SIPA1L1: variants seen among roughly 807,000 people sequenced by gnomAD.
SIPA1L1 encodes signal induced proliferation associated 1 like 1.
In SIPA1L1, 26 loss-of-function variants were observed where a neutral mutation model predicts 162.7. The ratio of observed to expected loss-of-function variants is 0.16; its 90% CI spans 0.12 to 0.22. SIPA1L1 has a LOEUF of 0.22. SIPA1L1 is among the 10% of genes least tolerant of loss of function. The pLI is 1.00. For missense variants in SIPA1L1, 1,874 were observed against 2,241.0 expected, an observed-to-expected ratio of 0.84 and a Z score of 3.31; for synonymous variants, 829 against 837.4, an observed-to-expected ratio of 0.99 and a Z score of 0.17.
chr14:71,633,955 G>A (rs1275978038), intron 7 of SIPA1L1, among the ~76,000 whole-genome samples: 1 of 151,550 alleles, frequency 6.6e-6, no homozygotes, highest in Non-Finnish European at 1.5e-5. Flanking sequence ...GGTCAAAGGT[G>A]TAAACCCACA....
At chr14:71,579,929 T>C (rs2033679966) in intron 4 of SIPA1L1, among the ~76,000 whole-genome samples, 1 of 152,234 alleles carries the variant, frequency 6.6e-6, no homozygotes, top group Non-Finnish European at 1.5e-5. Flanking sequence ...CATACTTGTC[T>C]TCTTTTTCCA....
chr14:71,418,763 T>G (rs186505121), intron 2 of SIPA1L1, among the ~76,000 whole-genome samples: 1 of 152,328 alleles, frequency 6.6e-6, no homozygotes, highest in African/African-American at 2.4e-5. Flanking sequence ...CACTAGTATT[T>G]AAGTGCCTTT....
chr14:71,573,197 T>G (rs1266535645), intron 4 of SIPA1L1, among the ~76,000 whole-genome samples: 2 of 152,228 alleles, frequency 1.3e-5, no homozygotes, highest in Non-Finnish European at 2.9e-5. Context: ...TTAACTACTA[T>G]GTATATTACT....
At chr14:71,523,963 G>A (rs759779017) in intron 3 of SIPA1L1, among the ~76,000 whole-genome samples, 3 of 152,172 alleles carry the variant, frequency 2.0e-5, no homozygotes, top group Admixed American at 1.3e-4. Flanking sequence ...TTTGCAGCCA[G>A]ACATCTCTCC....
chr14:71,347,543 T>TA, intron 2 of SIPA1L1, among the ~76,000 whole-genome samples: 2 of 152,332 alleles, frequency 1.3e-5, no homozygotes, highest in South Asian at 4.1e-4. Context: ...AGTAACTCTA[T>TA]GCTTAGTAAC....
chr14:71,717,150 G>A (rs1187132933), intron 17 of SIPA1L1, among the ~76,000 whole-genome samples: 1 of 152,034 alleles, frequency 6.6e-6, no homozygotes, highest in Non-Finnish European at 1.5e-5. Context: ...CACCCACCTC[G>A]GCCTCCCAAA....
intron 3 of SIPA1L1, among the ~76,000 whole-genome samples, chr14:71,523,507 T>A (rs2052565863): frequency 6.6e-6 from 1 of 152,206 alleles, no homozygotes; most frequent in Non-Finnish European, 1.5e-5. Context: ...TTAACCTTGA[T>A]AGAATACTGC....
At chr14:71,688,508 A>G (rs1411049487) in intron 13 of SIPA1L1, among the ~76,000 whole-genome samples, 2 of 152,222 alleles carry the variant, frequency 1.3e-5, no homozygotes, top group Non-Finnish European at 1.5e-5. Context: ...GAGTCCCCAG[A>G]TGCATAAAGT....
At position 71,678,161 on chromosome 14, in the gene SIPA1L1, G is replaced by A. The variant is rs1012539380; in HGVS notation, c.3104+5539G>A. On this transcript the variant is annotated intron_variant, in intron 12 of 23. Coordinates refer to ENST00000381232, the MANE Select transcript of SIPA1L1 (RefSeq NM_001386936.1). Reference sequence around the variant, plus strand: ...TTCTCCTGCCTGATTGCCCCGGCCAGAACTTCCAACGCTATGTTGAATAAG... The same window carrying A: ...TTCTCCTGCCTGATTGCCCCGGCCAAAACTTCCAACGCTATGTTGAATAAG... Among the ~76,000 whole-genome samples the A allele has an allele frequency of 9.2e-5, 14 of 152,166 alleles. 1 individual carries two copies. Among genetic ancestry groups the A allele is most frequent in the Admixed American group, 9.2e-4 (14 of 15,268 alleles).
At chr14:71,439,998 T>C (rs1217989109) in intron 2 of SIPA1L1, among the ~76,000 whole-genome samples, 1 of 152,204 alleles carries the variant, frequency 6.6e-6, no homozygotes, top group African/African-American at 2.4e-5. Flanking sequence ...GTCAGTCATA[T>C]ACAGGCCTTG....
chr14:71,644,830 A>G (rs988898132), intron 7 of SIPA1L1, among the ~76,000 whole-genome samples: 1 of 152,144 alleles, frequency 6.6e-6, no homozygotes, highest in African/African-American at 2.4e-5. Flanking sequence ...TTTCAAGACA[A>G]TATCTCCCAA....
chr14:71,597,952 C>A (rs1239442672), intron 5 of SIPA1L1, among the ~76,000 whole-genome samples: 2 of 152,180 alleles, frequency 1.3e-5, no homozygotes, highest in Admixed American at 6.5e-5. Flanking sequence ...TCAGGTTTTA[C>A]AAATGAATGA....
chr14:71,554,530 C>T (rs1358540057), intron 4 of SIPA1L1, among the ~76,000 whole-genome samples: 1 of 152,146 alleles, frequency 6.6e-6, no homozygotes, highest in Non-Finnish European at 1.5e-5. Context: ...CGAAGATGTT[C>T]TCAGCATTCT....
chr14:71,366,489 T>C (rs897620479), intron 2 of SIPA1L1, among the ~76,000 whole-genome samples: 3 of 152,124 alleles, frequency 2.0e-5, no homozygotes, highest in Admixed American at 2.0e-4. Flanking sequence ...CAGGCTGGAG[T>C]GCAGTGGCGT....
chr14:71,536,049 T>C (rs2053867135), intron 4 of SIPA1L1, among the ~76,000 whole-genome samples: 1 of 151,898 alleles, frequency 6.6e-6, no homozygotes, highest in South Asian at 2.1e-4. Flanking sequence ...CATTGTAAAA[T>C]CTAAGGAATT....
intron 2 of SIPA1L1, among the ~76,000 whole-genome samples, chr14:71,427,779 TATTTTCA>T (rs2043685588): frequency 1.3e-5 from 2 of 152,156 alleles, no homozygotes; most frequent in African/African-American, 4.8e-5. Flanking sequence ...TCTTTATGAA[TATTTTCA>T]TTTTGCTTAT....
At position 71,672,445 on chromosome 14, in the gene SIPA1L1, A is replaced by T; in HGVS notation, c.2927A>T (p.Asp976Val). Reference sequence around the variant, plus strand: ...GTCAACTATGAGGGCATTGTGGCGGATGTGGAGCCCTACGGTTATGCCTGG... The same window carrying T: ...GTCAACTATGAGGGCATTGTGGCGGTTGTGGAGCCCTACGGTTATGCCTGG... ...FHVNYEGIVA[D>V]VEPYGYAWQA... Residue 976 changes from aspartate to valine, a missense_variant, in exon 12 of 24, where the codon GAT becomes GTT. This residue lies in a region of SIPA1L1 where 936 missense variants were observed against 1,051.9 expected (regional missense o/e 0.89). Transcript: ENST00000381232. 1 of 1,614,134 alleles carries T rather than the reference A, an allele frequency of 6.2e-7. No individual in the cohort carries two copies. Among genetic ancestry groups the T allele is most frequent in the South Asian group, 1.1e-5 (1 of 91,068 alleles).
At chr14:71,498,973 G>A (rs897779118) in intron 2 of SIPA1L1, among the ~76,000 whole-genome samples, 1 of 152,072 alleles carries the variant, frequency 6.6e-6, no homozygotes, top group African/African-American at 2.4e-5. Context: ...GGGAAAATTA[G>A]GATACTTCAG....
intron 7 of SIPA1L1, among the ~76,000 whole-genome samples, chr14:71,637,051 T>TA (rs199901513): frequency 0.033 from 3,970 of 121,130 alleles, 67 homozygotes; most frequent in Admixed American, 0.069. Context: ...ACTCCATCTT[T>TA]AAAAAAAAAA....
Sources: gnomAD v4.1 joint callset for allele counts (sites outside exome capture counted in the v4.1 genomes callset) on GRCh38, gnomAD v4.1.1 for gene constraint, gnomAD v4.1.1 regional missense constraint, MANE v1.5 for transcripts, NCBI Gene and HGNC (gene_info 2026-07-23, HGNC 2026-07-21) for gene names.